The following ACSS3 variants were observed in gnomAD, a reference collection of about 807,000 sequenced individuals.
The protein encoded by ACSS3 is acyl-CoA synthetase short chain family member 3, also known as acyl-CoA synthetase short-chain family member 3, mitochondrial.
In ACSS3, 64 loss-of-function variants were observed where a neutral mutation model predicts 84.2. The observed-to-expected ratio is 0.76, with a 90% CI of 0.62 to 0.94. The LOEUF is 0.94. Ranked by LOEUF, ACSS3 falls within the 40% of genes least tolerant of loss-of-function variation. The probability of loss-of-function intolerance (pLI) is 0.00; values close to 1 mark genes in which losing one functional copy is unlikely to be tolerated. For missense variants in ACSS3, 815 were observed against 867.6 expected (o/e 0.94, Z 0.76); for synonymous variants, 317 against 310.1 (o/e 1.02, Z -0.23).
chr12:81,088,059 C>T (rs1446577174), intron 1 of ACSS3, among the ~76,000 whole-genome samples: 5 of 152,122 alleles, frequency 3.3e-5, no homozygotes, highest in African/African-American at 9.7e-5. Context: ...GTCTTCCCCA[C>T]ATATACGTGA....
At chr12:81,163,362 G>A (rs1490047951) in intron 7 of ACSS3, among the ~76,000 whole-genome samples, 1 of 152,100 alleles carries the variant, frequency 6.6e-6, no homozygotes, top group Admixed American at 6.5e-5. Context: ...GTCACACATT[G>A]CATTTCTCAC....
rs752598140 is a variant in ACSS3, at chr12:81,151,955, A to G, written c.1002+31A>G. The G allele has an allele frequency of 3.1e-6, 5 of 1,612,862 alleles. No individual in the cohort carries two copies. The Admixed American group carries it at 6.7e-5, about 22-fold the overall frequency. The stretch of plus-strand genomic sequence containing the variant: ...CGTGGTTTTAAATTTACATTACATG[A>G]CATTCTCTGAATAAAATATATTCAT... On this transcript the variant is annotated intron_variant, in intron 6 of 15. Transcript: ENST00000548058.
chr12:81,174,850 A>G lies in ACSS3; in HGVS notation c.1161A>G (p.Val387=), dbSNP rs375680193. The change falls in exon 8 of 16, where the codon GTA becomes GTG. Residue 387 remains valine, a synonymous_variant. Coordinates refer to ENST00000548058, the MANE Select transcript of ACSS3 (RefSeq NM_024560.4). ...TCCGTGTGCTTGCAGAGCATGGAGT[A>G]GCTGCCTTGTTTACAGCACCAACTG... ...AYFRVLAEHG[V]AALFTAPTAI... is the part of the protein sequence containing the mutation. 200 of 1,613,912 alleles carry G rather than the reference A, an allele frequency of 1.2e-4. No homozygotes were observed. Among genetic ancestry groups the G allele is most frequent in the Non-Finnish European group, 1.6e-4 (187 of 1,179,962 alleles).
chr12:81,164,540 G>A lies in ACSS3; in HGVS notation c.1099-10248G>A, dbSNP rs143545106. On this transcript the variant is annotated intron_variant, in intron 7 of 15. Transcript: ENST00000548058. Reference sequence around the variant, plus strand: ...TGCAAGTCTCATATTTGAAAATATTGAGGGTAGGAACTGCTCGCAAGTTAT... The same window carrying A: ...TGCAAGTCTCATATTTGAAAATATTAAGGGTAGGAACTGCTCGCAAGTTAT... 8.2e-4 allele frequency among the ~76,000 whole-genome samples: 125 copies of A among 152,240 alleles called. No homozygotes were observed. The East Asian group carries it at 0.014, about 17-fold the overall frequency.
intron 9 of ACSS3, chr12:81,199,830 T>C (rs2032019649): frequency 2.2e-6 from 1 of 459,242 alleles, no homozygotes; most frequent in Non-Finnish European, 3.8e-6. Context: ...ATTTAAAGTT[T>C]CCTAATCACT....
chr12:81,246,242 C>T (rs2033981978), intron 13 of ACSS3, among the ~76,000 whole-genome samples: 1 of 152,146 alleles, frequency 6.6e-6, no homozygotes, highest in Non-Finnish European at 1.5e-5. Flanking sequence ...CTGACATTTA[C>T]TTGGTGTAAG....
chr12:81,247,475 A>C (rs1207970337), intron 13 of ACSS3, among the ~76,000 whole-genome samples: 2 of 152,172 alleles, frequency 1.3e-5, no homozygotes, highest in Non-Finnish European at 2.9e-5. Context: ...AAAAAGAGAA[A>C]AACATGCTAG....
At chr12:81,254,498 A>G (rs2136022645) in intron 15 of ACSS3, among the ~76,000 whole-genome samples, 1 of 152,268 alleles carries the variant, frequency 6.6e-6, no homozygotes, top group East Asian at 1.9e-4. Context: ...AGATATACCT[A>G]TTTTTATCAT....
intron 1 of ACSS3, among the ~76,000 whole-genome samples, chr12:81,091,192 T>C (rs1881647847): frequency 6.6e-6 from 1 of 152,038 alleles, no homozygotes; most frequent in Admixed American, 6.6e-5. Flanking sequence ...TAGGCACATA[T>C]GAGATTCCAA....
intron 7 of ACSS3, among the ~76,000 whole-genome samples, chr12:81,170,575 T>A (rs1270738951): frequency 6.6e-6 from 1 of 152,164 alleles, no homozygotes; most frequent in Non-Finnish European, 1.5e-5. Flanking sequence ...GAGAAAGGAA[T>A]TAAATAAACA....
At chr12:81,185,664 A>G (rs1279943712) in intron 8 of ACSS3, among the ~76,000 whole-genome samples, 2 of 151,610 alleles carry the variant, frequency 1.3e-5, no homozygotes, top group Non-Finnish European at 3.0e-5. Flanking sequence ...GTACGGTAAA[A>G]CTTTACATTA....
Position 81,258,380 on chromosome 12 carries a change from T to C in ACSS3, c.*3458T>C, listed in dbSNP as rs979302785. ...AACAAATGTAATGTACGTGCAAACA[T>C]AGCAAATTAAAATACAGAAAAGAAA... On this transcript the variant is annotated 3_prime_UTR_variant, in exon 16 of 16. Transcript: ENST00000548058. 6.6e-6 allele frequency: 1 copy of C among 152,118 alleles called. No homozygotes were observed. The highest frequency in any genetic ancestry group is 6.6e-5 in the Admixed American group (1 of 15,252). The allele number at this position is 152,118 out of a possible 1,614,324, so 9.4% of individuals were successfully genotyped here.
chr12:81,167,265 C>T (rs1165647256), intron 7 of ACSS3, among the ~76,000 whole-genome samples: 1 of 152,026 alleles, frequency 6.6e-6, no homozygotes, highest in Non-Finnish European at 1.5e-5. Context: ...TGGGGGTTGG[C>T]TTCATTATAA....
chr12:81,168,068 A>G (rs759729321), intron 7 of ACSS3, among the ~76,000 whole-genome samples: 4 of 152,242 alleles, frequency 2.6e-5, no homozygotes, highest in Non-Finnish European at 4.4e-5. Flanking sequence ...GATTAAAGTA[A>G]TGGGGAGTGG....
At chr12:81,142,585 C>A (rs567442101) in intron 4 of ACSS3, among the ~76,000 whole-genome samples, 42 of 152,236 alleles carry the variant, frequency 2.8e-4, no homozygotes, top group African/African-American at 1.0e-3. Context: ...TAGTAGAATT[C>A]TTCCCTACTC....
chr12:81,167,280 C>T (rs1887447464), intron 7 of ACSS3, among the ~76,000 whole-genome samples: 1 of 152,012 alleles, frequency 6.6e-6, no homozygotes, highest in Admixed American at 6.6e-5. Flanking sequence ...TTATAAGACC[C>T]CAAATTGTCA....
At chr12:81,139,905 G>A (rs540462305) in intron 4 of ACSS3, among the ~76,000 whole-genome samples, 1 of 152,070 alleles carries the variant, frequency 6.6e-6, no homozygotes, top group Non-Finnish European at 1.5e-5. Flanking sequence ...AAAGTGCTGG[G>A]ATTACAGGTG....
intron 1 of ACSS3, among the ~76,000 whole-genome samples, chr12:81,101,664 C>A (rs924307749): frequency 6.6e-6 from 1 of 151,984 alleles, no homozygotes; most frequent in Non-Finnish European, 1.5e-5. Context: ...TGATTTTGAG[C>A]CCTCCTAAGT....
intron 1 of ACSS3, among the ~76,000 whole-genome samples, chr12:81,080,316 C>T (rs1321583445): frequency 6.6e-6 from 1 of 151,230 alleles, no homozygotes; most frequent in Non-Finnish European, 1.5e-5. Context: ...ATTTCCTTTT[C>T]AATAATTTGC....
Sources: allele counts gnomAD v4.1 joint callset (sites outside exome capture counted in the v4.1 genomes callset), GRCh38; gene constraint gnomAD v4.1.1; transcripts MANE v1.5; gene names NCBI Gene and HGNC (gene_info 2026-07-23, HGNC 2026-07-21).